ANO6: variants seen among roughly 807,000 people sequenced by gnomAD.
ANO6 encodes anoctamin-6.
In ANO6, 106 loss-of-function variants were observed where a neutral mutation model predicts 117.5. The ratio of observed to expected loss-of-function variants is 0.90; its 90% CI spans 0.77 to 1.06. The LOEUF is 1.06. Among genes scored for constraint, ANO6 ranks in the 50% least tolerant of loss-of-function variants. The pLI is 0.00. For synonymous variants in ANO6, 367 were observed against 385.1 expected (o/e 0.95, Z 0.55); for missense variants, 955 against 1,121.1 (o/e 0.85, Z 2.12).
intron 16 of ANO6, among the ~76,000 whole-genome samples, chr12:45,415,033 C>T (rs1943180334): frequency 6.6e-6 from 1 of 152,158 alleles, no homozygotes; most frequent in Non-Finnish European, 1.5e-5. Context: ...GCTGGGATTA[C>T]AGAGATTAGC....
chr12:45,222,291 G>T (rs1025303336), intron 1 of ANO6, among the ~76,000 whole-genome samples: 2 of 152,088 alleles, frequency 1.3e-5, no homozygotes, highest in Non-Finnish European at 2.9e-5. Flanking sequence ...CTCCTAAGTA[G>T]CTGGGATTAC....
chr12:45,275,772 A>G (rs1938535874), intron 1 of ANO6, among the ~76,000 whole-genome samples: 1 of 151,744 alleles, frequency 6.6e-6, no homozygotes, highest in African/African-American at 2.4e-5. Context: ...CCCCTTCCCT[A>G]CTGGCCATTT....
chr12:45,286,440 T>G (rs1212065569), intron 1 of ANO6, among the ~76,000 whole-genome samples: 3 of 152,186 alleles, frequency 2.0e-5, no homozygotes, highest in African/African-American at 7.2e-5. Flanking sequence ...ATCCATACAT[T>G]CAAGATTTAA....
chr12:45,417,717 T>C (rs779412669), intron 17 of ANO6, among the ~76,000 whole-genome samples: 14 of 152,204 alleles, frequency 9.2e-5, no homozygotes, highest in Non-Finnish European at 1.5e-5. Flanking sequence ...TCACTGACAG[T>C]CTCACTCCCA....
intron 1 of ANO6, among the ~76,000 whole-genome samples, chr12:45,256,138 T>C (rs145289273): frequency 6.6e-6 from 1 of 152,282 alleles, no homozygotes; most frequent in African/African-American, 2.4e-5. Context: ...CCTATGATCT[T>C]GAAGTGACTG....
intron 9 of ANO6, among the ~76,000 whole-genome samples, chr12:45,375,371 A>G (rs1415687767): frequency 6.6e-6 from 1 of 152,194 alleles, no homozygotes; most frequent in Non-Finnish European, 1.5e-5. Flanking sequence ...GTTCATATGG[A>G]ACCAAAAAAG....
chr12:45,250,569 T>TG (rs1448756903), intron 1 of ANO6, among the ~76,000 whole-genome samples: 7 of 151,538 alleles, frequency 4.6e-5, no homozygotes, highest in East Asian at 1.9e-4. Context: ...ATTAAATTTT[T>TG]TTGTTGTTGT....
rs1210612023 is a variant in ANO6 at position 45,431,277 on chromosome 12, CTT to C, written c.*1967_*1968del. 3 of 985,314 alleles carry C rather than the reference CTT, an allele frequency of 3.0e-6. No individual in the cohort carries two copies. The highest frequency in any genetic ancestry group is 3.6e-6 in the Non-Finnish European group (3 of 829,940). 61.0% of individuals were successfully genotyped at this position (985,314 alleles called of 1,614,324 possible). On this transcript the variant is annotated 3_prime_UTR_variant, in exon 20 of 20. Coordinates refer to ENST00000320560, the MANE Select transcript of ANO6 (RefSeq NM_001025356.3). ...AAGACGGGAGTGCCACTGTTCCTCT[CTT>C]CACTCCTGAGATACTGCTTCTGGAA...
chr12:45,291,346 C>CAAA (rs747924513), intron 1 of ANO6, among the ~76,000 whole-genome samples: 41 of 47,874 alleles, frequency 8.6e-4, no homozygotes, highest in Middle Eastern at 0.013. Context: ...AACTCCGTCT[C>CAAA]AAAAAAAAAA....
chr12:45,273,321 A>G (rs10748416), intron 1 of ANO6, among the ~76,000 whole-genome samples: 137,164 of 152,216 alleles, frequency 0.9, 62,884 homozygotes, highest in Non-Finnish European at 0.99. Context: ...ATCTTTGTCA[A>G]TTAAATATTT....
intron 15 of ANO6, among the ~76,000 whole-genome samples, chr12:45,408,252 A>C: frequency 6.6e-6 from 1 of 152,198 alleles, no homozygotes; most frequent in East Asian, 1.9e-4. Context: ...TTAATCAGCC[A>C]GTGTATCCAG....
chr12:45,401,065 G>T (rs1263826029), intron 12 of ANO6, among the ~76,000 whole-genome samples: 1 of 152,202 alleles, frequency 6.6e-6, no homozygotes, highest in Non-Finnish European at 1.5e-5. Context: ...GACTAGTGGC[G>T]TGAATCTTGT....
At chr12:45,386,905 T>C (rs555688245) in intron 10 of ANO6, among the ~76,000 whole-genome samples, 1 of 152,348 alleles carries the variant, frequency 6.6e-6, no homozygotes, top group Non-Finnish European at 1.5e-5. Context: ...TCCCCTCCTC[T>C]GGGATGGCCT....
chr12:45,247,094 T>A (rs1280336087), intron 1 of ANO6, among the ~76,000 whole-genome samples: 2 of 152,048 alleles, frequency 1.3e-5, no homozygotes, highest in African/African-American at 4.8e-5. Context: ...ACTGGCTAAT[T>A]TTTGTGTTTT....
chr12:45,387,633 A>C (rs1942333742), intron 10 of ANO6, among the ~76,000 whole-genome samples: 1 of 152,176 alleles, frequency 6.6e-6, no homozygotes, highest in Admixed American at 6.5e-5. Context: ...TTTTTCTTTA[A>C]AATCATGTTT....
At chr12:45,317,427 C>T (rs1330844573) in intron 2 of ANO6, among the ~76,000 whole-genome samples, 4 of 151,440 alleles carry the variant, frequency 2.6e-5, no homozygotes, top group Non-Finnish European at 2.9e-5. Flanking sequence ...CAGCTTCAAC[C>T]ATGTCCCTGC....
intron 12 of ANO6, among the ~76,000 whole-genome samples, chr12:45,396,331 C>T (rs183842573): frequency 3.9e-5 from 6 of 152,104 alleles, no homozygotes; most frequent in East Asian, 3.9e-4. Flanking sequence ...CACTGCTCAA[C>T]GAAATAAAAG....
At chr12:45,301,890 A>G in intron 1 of ANO6, 124 bp from the exon 2 acceptor site, 3 of 798,688 alleles carry the variant, frequency 3.8e-6, no homozygotes, top group Non-Finnish European at 6.4e-6. Context: ...AAAGGGTTAA[A>G]TAATATAAAC....
intron 1 of ANO6, chr12:45,292,836 T>G: frequency 6.5e-7 from 1 of 1,531,884 alleles, no homozygotes; most frequent in South Asian, 1.2e-5. Context: ...ATCTTCAGAG[T>G]TGTCACTTAA....
Sources: gnomAD v4.1 joint callset for allele counts (sites outside exome capture counted in the v4.1 genomes callset) on GRCh38, gnomAD v4.1.1 for gene constraint, MANE v1.5 for transcripts, NCBI Gene and HGNC (gene_info 2026-07-23, HGNC 2026-07-21) for gene names.